VWA3B: variants seen among roughly 807,000 people sequenced by gnomAD.
VWA3B encodes von Willebrand factor A domain-containing protein 3B.
In VWA3B, 138 loss-of-function variants were observed where a neutral mutation model predicts 158.3. The observed-to-expected ratio is 0.87, with a 90% confidence interval of 0.76 to 1.00. VWA3B has a LOEUF of 1.00. Among genes scored for constraint, VWA3B ranks in the 50% least tolerant of loss-of-function variants. The pLI is 0.00. For missense variants in VWA3B, 1,555 were observed against 1,565.1 expected, an observed-to-expected ratio of 0.99 and a Z score of 0.11; for synonymous variants, 596 against 587.3, an observed-to-expected ratio of 1.01 and a Z score of -0.21.
At chr2:98,170,036 G>A (rs540918211) in intron 8 of VWA3B, among the ~76,000 whole-genome samples, 24 of 152,182 alleles carry the variant, frequency 1.6e-4, no homozygotes, top group East Asian at 1.9e-4. Flanking sequence ...TGAGAGAATC[G>A]CTTGAGTTGA....
chr2:98,136,543 G>A (rs901544114), intron 7 of VWA3B, among the ~76,000 whole-genome samples: 5 of 151,734 alleles, frequency 3.3e-5, no homozygotes, highest in Non-Finnish European at 7.4e-5. Flanking sequence ...GTGCCTTGCT[G>A]CTGTATCTTT....
At chr2:98,141,149 T>C (rs1225471491) in intron 7 of VWA3B, among the ~76,000 whole-genome samples, 1 of 152,224 alleles carries the variant, frequency 6.6e-6, no homozygotes, top group Non-Finnish European at 1.5e-5. Context: ...GGGTTTCATG[T>C]GGTGCTGCTG....
chr2:98,285,138 C>T (rs12624294), intron 22 of VWA3B, among the ~76,000 whole-genome samples: 57 of 152,138 alleles, frequency 3.7e-4, no homozygotes, highest in African/African-American at 1.4e-3. Flanking sequence ...CTACTACAAT[C>T]CAGTTTTAGA....
chr2:98,180,968 A>G, intron 8 of VWA3B, 48 bp from the exon 9 acceptor site: 2 of 1,582,164 alleles, frequency 1.3e-6, no homozygotes, highest in Non-Finnish European at 1.7e-6. Context: ...GGGGTGTAAT[A>G]TGAATGGCTC....
chr2:98,092,942 A>G lies in VWA3B; in HGVS notation c.-32-119A>G, dbSNP rs1015728274. ...CCACCAAATATACATGTATAATTTTAATTGATAAATAGCATTCCACTTCAT... is the reference window on the plus strand; with the variant it reads ...CCACCAAATATACATGTATAATTTTGATTGATAAATAGCATTCCACTTCAT... On this transcript the variant is annotated intron_variant, in intron 1 of 27. Coordinates refer to ENST00000477737, the MANE Select transcript of VWA3B (RefSeq NM_144992.5). 7 of 623,686 alleles carry G rather than the reference A, an allele frequency of 1.1e-5. No homozygotes were observed. In the African/African-American group the frequency reaches 1.3e-4, roughly 12 times the overall value. The allele number at this position is 623,686 out of a possible 1,614,324, so 38.6% of individuals were successfully genotyped here.
At chr2:98,262,500 C>T (rs1433144189) in intron 21 of VWA3B, among the ~76,000 whole-genome samples, 1 of 151,720 alleles carries the variant, frequency 6.6e-6, no homozygotes, top group Admixed American at 6.6e-5. Flanking sequence ...AACCAGTTTC[C>T]CCAGAATCAC....
chr2:98,293,484 C>T (rs1024818330), intron 23 of VWA3B, among the ~76,000 whole-genome samples: 5 of 152,160 alleles, frequency 3.3e-5, no homozygotes, highest in Non-Finnish European at 7.4e-5. Flanking sequence ...AATAACTTTA[C>T]TTTCATGATT....
intron 26 of VWA3B, among the ~76,000 whole-genome samples, chr2:98,308,174 C>G (rs1690644624): frequency 6.6e-6 from 1 of 152,192 alleles, no homozygotes; most frequent in Non-Finnish European, 1.5e-5. Flanking sequence ...ACTACTCATT[C>G]CTCAAGGAGG....
At chr2:98,137,957 T>G (rs1676415163) in intron 7 of VWA3B, among the ~76,000 whole-genome samples, 1 of 152,254 alleles carries the variant, frequency 6.6e-6, no homozygotes, top group Non-Finnish European at 1.5e-5. Context: ...ACTACTTTAG[T>G]GTTCTGGGAA....
intron 11 of VWA3B, among the ~76,000 whole-genome samples, chr2:98,193,405 T>A (rs1681761523): frequency 6.6e-6 from 1 of 152,054 alleles, no homozygotes; most frequent in East Asian, 1.9e-4. Flanking sequence ...TGCAGGCTGG[T>A]GTTTAGAAGC....
At chr2:98,182,384 G>GTTA (rs1680669231) in intron 9 of VWA3B, among the ~76,000 whole-genome samples, 1 of 152,232 alleles carries the variant, frequency 6.6e-6, no homozygotes, top group South Asian at 2.1e-4. Context: ...GCCACACCAT[G>GTTA]TTATGTTCTT....
At chr2:98,185,811 T>C (rs1680992485) in intron 9 of VWA3B, among the ~76,000 whole-genome samples, 1 of 152,222 alleles carries the variant, frequency 6.6e-6, no homozygotes, top group African/African-American at 2.4e-5. Context: ...AGCCTCCTGT[T>C]GCCCTTGTTT....
In VWA3B at chr2:98,090,770, G is replaced by A. The variant is rs1246623945; in HGVS notation, c.-32-2291G>A. On this transcript the variant is annotated intron_variant, in intron 1 of 27. Coordinates refer to ENST00000477737, the MANE Select transcript of VWA3B (RefSeq NM_144992.5). ...TTTTTTTTTTTTGAGACTGAGTCTC[G>A]CTAAAGACAAGTTCTTGCTCTGTTG... 4.9e-4 allele frequency among the ~76,000 whole-genome samples: 74 copies of A among 150,256 alleles called. 1 individual carries two copies. Among genetic ancestry groups the A allele is most frequent in the Admixed American group, 4.4e-3 (66 of 15,106 alleles).
intron 11 of VWA3B, among the ~76,000 whole-genome samples, chr2:98,193,834 C>T (rs551804985): frequency 2.6e-5 from 4 of 152,008 alleles, no homozygotes; most frequent in East Asian, 1.9e-4. Flanking sequence ...GTGATCCGCC[C>T]GCCTCGGCCT....
At chr2:98,310,068 C>CA (rs1690793485) in intron 26 of VWA3B, among the ~76,000 whole-genome samples, 1 of 152,186 alleles carries the variant, frequency 6.6e-6, no homozygotes, top group Non-Finnish European at 1.5e-5. Context: ...CAGATAGCAA[C>CA]AGCCTTTGCT....
intron 19 of VWA3B, among the ~76,000 whole-genome samples, chr2:98,239,114 G>T (rs184525264): frequency 6.6e-6 from 1 of 152,272 alleles, no homozygotes; most frequent in East Asian, 1.9e-4. Context: ...CATCCTTAGT[G>T]TAAAATGTTC....
At chr2:98,273,422 C>A (rs995419678) in intron 22 of VWA3B, among the ~76,000 whole-genome samples, 1 of 152,164 alleles carries the variant, frequency 6.6e-6, no homozygotes, top group African/African-American at 2.4e-5. Flanking sequence ...GTTATTCAAA[C>A]AAAATGACTT....
At chr2:98,211,817 A>G (rs1367444965) in intron 12 of VWA3B, 113 bp from the exon 13 acceptor site, 3 of 828,026 alleles carry the variant, frequency 3.6e-6, no homozygotes, top group Non-Finnish European at 5.8e-6. Context: ...GTAATTATTT[A>G]TCTTTCATCT....
intron 21 of VWA3B, among the ~76,000 whole-genome samples, chr2:98,264,556 T>A (rs1338120473): frequency 1.3e-5 from 2 of 152,174 alleles, no homozygotes; most frequent in African/African-American, 4.8e-5. Flanking sequence ...TATTTCTAGG[T>A]TCATTTCATT....
Sources: gnomAD v4.1 joint callset for allele counts (sites outside exome capture counted in the v4.1 genomes callset) on GRCh38, gnomAD v4.1.1 for gene constraint, MANE v1.5 for transcripts, NCBI Gene and HGNC (gene_info 2026-07-23, HGNC 2026-07-21) for gene names.